The following ADAM32 variants were observed in gnomAD, a reference collection of about 807,000 sequenced individuals.
ADAM32 encodes the protein disintegrin and metalloproteinase domain-containing protein 32.
Under a neutral mutation model 114.9 loss-of-function variants are expected in ADAM32, and 89 were observed. That is an observed-to-expected ratio of 0.77 (90% CI 0.65 to 0.92). ADAM32 has a LOEUF of 0.92. ADAM32 is among the 40% of genes least tolerant of loss of function. ADAM32 has a pLI of 0.00. For missense variants in ADAM32, 870 were observed against 932.8 expected, an observed-to-expected ratio of 0.93 and a Z score of 0.88; for synonymous variants, 285 against 307.5, an observed-to-expected ratio of 0.93 and a Z score of 0.77.
At chr8:39,179,635 C>T (rs1199573004) in intron 10 of ADAM32, among the ~76,000 whole-genome samples, 1 of 152,158 alleles carries the variant, frequency 6.6e-6, no homozygotes, top group Admixed American at 6.5e-5. Context: ...GAGAAAAGCA[C>T]GGTTTTCAAG....
chr8:39,283,339 A>T (rs1034247352), intron 23 of ADAM32, among the ~76,000 whole-genome samples: 1 of 143,002 alleles, frequency 7.0e-6, no homozygotes, highest in African/African-American at 2.6e-5. Flanking sequence ...AGCCCCCAGG[A>T]GGTTGAGGCT....
At position 39,282,495 on chromosome 8, in the gene ADAM32, A is replaced by C. The variant is rs140130355; in HGVS notation, c.2319-1091A>C. Among the ~76,000 whole-genome samples the C allele has an allele frequency of 4.5e-4, 68 of 152,296 alleles. 1 individual carries two copies. Among genetic ancestry groups the C allele is most frequent in the African/African-American group, 1.5e-3 (62 of 41,550 alleles). ...GGGCATCATCTATAGGGTAATATAC[A>C]CTGGATTTGGGGAGTATAATTTGGA... On this transcript the variant is annotated intron_variant, in intron 23 of 24. Coordinates refer to ENST00000379907, the MANE Select transcript of ADAM32 (RefSeq NM_145004.7).
intron 14 of ADAM32, among the ~76,000 whole-genome samples, chr8:39,225,800 A>T (rs950477613): frequency 2.9e-5 from 4 of 138,852 alleles, no homozygotes; most frequent in South Asian, 2.4e-4. Flanking sequence ...TTTTTTTTTT[A>T]AATCAGTGAA....
At chr8:39,230,662 A>G (rs554584859) in intron 14 of ADAM32, among the ~76,000 whole-genome samples, 2 of 152,254 alleles carry the variant, frequency 1.3e-5, no homozygotes, top group African/African-American at 2.4e-5. Flanking sequence ...AATCTATACA[A>G]TCTCCTGTGA....
chr8:39,249,118 A>G (rs1183570342), intron 17 of ADAM32, among the ~76,000 whole-genome samples: 1 of 151,818 alleles, frequency 6.6e-6, no homozygotes, highest in Non-Finnish European at 1.5e-5. Context: ...GTTAGCCAGG[A>G]TGGTCTCGAT....
chr8:39,112,421 GCTTCT>G (rs1337087010), intron 1 of ADAM32, among the ~76,000 whole-genome samples: 193 of 151,964 alleles, frequency 1.3e-3, no homozygotes, highest in African/African-American at 4.4e-3. Context: ...CTTTCTTATG[GCTTCT>G]GCATTTTGTT....
At chr8:39,186,808 T>C (rs1806270985) in intron 10 of ADAM32, 101 bp from the exon 11 acceptor site, 3 of 1,028,110 alleles carry the variant, frequency 2.9e-6, no homozygotes, top group Non-Finnish European at 4.1e-6. Context: ...CCTAATTCTT[T>C]AGCATTTGAT....
chr8:39,180,222 C>T (rs1291814907), intron 10 of ADAM32, among the ~76,000 whole-genome samples: 2 of 152,184 alleles, frequency 1.3e-5, no homozygotes, highest in East Asian at 1.9e-4. Flanking sequence ...GCGGGCCGGC[C>T]CTGCCGACCC....
At chr8:39,265,504 A>G (rs1381760212) in intron 19 of ADAM32, among the ~76,000 whole-genome samples, 1 of 152,140 alleles carries the variant, frequency 6.6e-6, no homozygotes, top group Non-Finnish European at 1.5e-5. Context: ...TTCAACGTTA[A>G]TATTGTTATG....
At position 39,165,156 on chromosome 8, in the gene ADAM32, T is replaced by C; in HGVS notation, c.793T>C (p.Tyr265His). The C allele has an allele frequency of 6.3e-7, 1 of 1,595,312 alleles. No homozygotes were observed. The highest frequency in any genetic ancestry group is 8.6e-7 in the Non-Finnish European group (1 of 1,166,216). The change falls in exon 9 of 25, where the codon TAT becomes CAT. Residue 265 changes from tyrosine to histidine, a missense_variant. By Grantham distance (83) the Tyr-to-His change is moderately conservative. Coordinates refer to ENST00000379907, the MANE Select transcript of ADAM32 (RefSeq NM_145004.7). ...AAAATTTTTAGAATGGAAACAATCTTATCTTAACCTAAGGCCTCATGATAT... is the reference window on the plus strand; with the variant it reads ...AAAATTTTTAGAATGGAAACAATCTCATCTTAACCTAAGGCCTCATGATAT... ...LQKFLEWKQS[Y>H]LNLRPHDIAY... is the part of the protein sequence containing the mutation.
chr8:39,168,780 C>T (rs944927856), intron 9 of ADAM32: 12 of 152,074 alleles, frequency 7.9e-5, no homozygotes, highest in African/African-American at 2.9e-4. Flanking sequence ...ACTGACAAAG[C>T]AAGGTGGTAG....
At chr8:39,254,048 G>T (rs1415288132) in intron 17 of ADAM32, among the ~76,000 whole-genome samples, 1 of 151,552 alleles carries the variant, frequency 6.6e-6, no homozygotes, top group Non-Finnish European at 1.5e-5. Flanking sequence ...TAAAGCGATG[G>T]ATGAAAATAG....
intron 2 of ADAM32, among the ~76,000 whole-genome samples, chr8:39,120,089 T>C (rs562716207): frequency 4.6e-5 from 7 of 152,334 alleles, no homozygotes; most frequent in Non-Finnish European, 8.8e-5. Context: ...GGCACCTTGA[T>C]CTTGGACTTC....
chr8:39,222,359 A>G (rs1366886302), intron 13 of ADAM32, among the ~76,000 whole-genome samples: 2 of 152,010 alleles, frequency 1.3e-5, no homozygotes, highest in African/African-American at 4.8e-5. Context: ...AGTTTTATGT[A>G]TTCTTTCCTT....
At chr8:39,200,824 T>A (rs1807346803) in intron 11 of ADAM32, among the ~76,000 whole-genome samples, 1 of 152,214 alleles carries the variant, frequency 6.6e-6, no homozygotes, top group South Asian at 2.1e-4. Flanking sequence ...AGGGATCCAG[T>A]TTCAGCTTTC....
chr8:39,138,672 C>T (rs1182223716), intron 3 of ADAM32, among the ~76,000 whole-genome samples: 1 of 152,112 alleles, frequency 6.6e-6, no homozygotes, highest in Non-Finnish European at 1.5e-5. Flanking sequence ...GATTTATAAT[C>T]CTTTGGGTAT....
intron 19 of ADAM32, among the ~76,000 whole-genome samples, chr8:39,257,947 A>G (rs1173701273): frequency 6.6e-6 from 1 of 152,134 alleles, no homozygotes; most frequent in African/African-American, 2.4e-5. Context: ...TCCTTCTGGT[A>G]TGATCCCCTT....
At chr8:39,220,747 G>A (rs1808904773) in intron 12 of ADAM32, among the ~76,000 whole-genome samples, 2 of 151,870 alleles carry the variant, frequency 1.3e-5, no homozygotes, top group African/African-American at 4.8e-5. Context: ...TTGATTTCTA[G>A]TTTTATTCCC....
At chr8:39,241,262 G>A (rs1810532499) in intron 16 of ADAM32, among the ~76,000 whole-genome samples, 1 of 152,228 alleles carries the variant, frequency 6.6e-6, no homozygotes. Context: ...TGCTTTCACA[G>A]GCTGGCACTG....
Sources: allele counts gnomAD v4.1 joint callset (sites outside exome capture counted in the v4.1 genomes callset), GRCh38; gene constraint gnomAD v4.1.1; transcripts MANE v1.5; gene names NCBI Gene and HGNC (gene_info 2026-07-23, HGNC 2026-07-21).